CREG2: variants seen among roughly 807,000 people sequenced by gnomAD.
The protein encoded by CREG2 is protein CREG2.
In CREG2, 24 loss-of-function variants were observed where a neutral mutation model predicts 26.2. The observed-to-expected ratio is 0.92, with a 90% CI of 0.66 to 1.29. CREG2 has a LOEUF of 1.29. Ranked by LOEUF, CREG2 falls within the 50% of genes most tolerant of loss-of-function variation. CREG2 has a pLI of 0.00. For synonymous variants in CREG2, 174 were observed against 169.2 expected (o/e 1.03, Z -0.22); for missense variants, 366 against 398.6 (o/e 0.92, Z 0.70).
intron 2 of CREG2, among the ~76,000 whole-genome samples, chr2:101,356,829 A>G (rs568743220): frequency 6.6e-6 from 1 of 152,168 alleles, no homozygotes; most frequent in African/African-American, 2.4e-5. Context: ...TGACAGAATT[A>G]TCCTAAGACT....
rs1416568537 is a variant in CREG2, at chr2:101,387,162, G to T, written c.296C>A (p.Ala99Glu). The change falls in exon 1 of 4, where the codon GCG (alanine) becomes GAG (glutamate). Residue 99 changes from alanine to glutamate, a missense_variant. Physicochemically the swap from Ala to Glu is moderately radical, Grantham distance 107. Transcript: ENST00000324768. The surrounding 1 kb of genome is among the most constrained non-coding windows in gnomAD (Gnocchi z 4.7). ...CCGGTAGGAGAACATCCCGGGTGGC[G>T]CGGGGGGCGGCCTGGCCCGGGCGGC... is the stretch of plus-strand genomic sequence containing the variant. ...AGAARARPPPAPPGMFSYRRE... is the reference protein window; with the variant it reads ...AGAARARPPPEPPGMFSYRRE... The T allele has an allele frequency of 7.9e-7, 1 of 1,272,008 alleles. No homozygotes were observed. 78.8% of individuals were successfully genotyped at this position (1,272,008 alleles called of 1,614,324 possible).
chr2:101,356,104 G>C (rs1422194687), intron 2 of CREG2, among the ~76,000 whole-genome samples: 1 of 152,160 alleles, frequency 6.6e-6, no homozygotes, highest in Admixed American at 6.5e-5. Context: ...TTTCCCTGAG[G>C]CCTGGCCATC....
intron 2 of CREG2, chr2:101,383,196 C>T (rs898004542): frequency 4.3e-5 from 15 of 351,374 alleles, no homozygotes; most frequent in African/African-American, 1.3e-4. Context: ...CTCCCACCCT[C>T]GCCCTTTTCC....
intron 3 of CREG2, among the ~76,000 whole-genome samples, chr2:101,353,861 A>G (rs1400592993): frequency 1.3e-5 from 2 of 152,226 alleles, no homozygotes; most frequent in African/African-American, 2.4e-5. Context: ...AACTAACACC[A>G]GAGCAAAAAA....
intron 3 of CREG2, among the ~76,000 whole-genome samples, chr2:101,352,057 T>C (rs1302476452): frequency 6.6e-6 from 1 of 151,754 alleles, no homozygotes; most frequent in Non-Finnish European, 1.5e-5. Context: ...AATTTTTTTT[T>C]TTTTTGTAGA....
intron 2 of CREG2, among the ~76,000 whole-genome samples, chr2:101,365,521 T>G (rs938597033): frequency 6.6e-6 from 1 of 152,186 alleles, no homozygotes. Flanking sequence ...CAACCAATAT[T>G]GTCTGTAGGT....
At chr2:101,385,558 C>G (rs1314161501) in intron 1 of CREG2, among the ~76,000 whole-genome samples, 1 of 152,208 alleles carries the variant, frequency 6.6e-6, no homozygotes, top group African/African-American at 2.4e-5. Context: ...TTATCCCTAA[C>G]AAAGTGCACC....
At chr2:101,385,404 C>T (rs1684952843) in intron 1 of CREG2, among the ~76,000 whole-genome samples, 1 of 152,056 alleles carries the variant, frequency 6.6e-6, no homozygotes. Flanking sequence ...TGGTCTTGAA[C>T]TCCTGACCTC....
In CREG2 at chr2:101,351,035, T is replaced by G; in HGVS notation, c.761A>C (p.Glu254Ala). 6.2e-7 allele frequency: 1 copy of G among 1,614,168 alleles called. No homozygotes were observed. The highest frequency in any genetic ancestry group is 8.5e-7 in the Non-Finnish European group (1 of 1,180,000). Residue 254 changes from glutamate to alanine, a missense_variant, in exon 4 of 4, where the codon GAA becomes GCA. By Grantham distance (107) the Glu-to-Ala change is moderately radical (BLOSUM62 -1). Around this residue, in one of 3 missense-constraint regions of CREG2, gnomAD observed 174 missense variants for 178.2 expected, o/e 0.98. Transcript: ENST00000324768. ...PGMRKWPRQY[E>A]WFFMKMRIEH... is the part of the protein sequence containing the mutation. ...TATCCTCATCTTCATAAAGAACCAT[T>G]CATATTGACGAGGCCACTTCCTCAT...
At chr2:101,376,012 A>G (rs4405786) in intron 2 of CREG2, 150,646 of 207,762 alleles carry the variant, frequency 0.73, 55,613 homozygotes, top group African/African-American at 0.9. Context: ...TTCAACTGTC[A>G]CGACATGGGC....
chr2:101,349,802 C>G lies in CREG2; in HGVS notation c.*1121G>C, dbSNP rs1387210530. On this transcript the variant is annotated 3_prime_UTR_variant, in exon 4 of 4. Transcript: ENST00000324768. ...CAGGCAAGCTAGTCCTTCTTTTTTA[C>G]AATCACTTTACTGATTTTCCTGGTT... The G allele has an allele frequency of 6.6e-6, 1 of 151,552 alleles. No homozygotes were observed. Among genetic ancestry groups the G allele is most frequent in the Non-Finnish European group, 1.5e-5 (1 of 67,938 alleles). 9.4% of individuals were successfully genotyped at this position (151,552 alleles called of 1,614,324 possible).
chr2:101,353,896 A>G (rs1684416728), intron 3 of CREG2, among the ~76,000 whole-genome samples: 1 of 152,180 alleles, frequency 6.6e-6, no homozygotes, highest in Non-Finnish European at 1.5e-5. Flanking sequence ...GTTCTCACTC[A>G]TAAGTGGGAG....
intron 2 of CREG2, among the ~76,000 whole-genome samples, chr2:101,379,969 T>TTCTATCTA (rs34370954): frequency 0.1 from 15,469 of 147,722 alleles, 850 homozygotes; most frequent in Non-Finnish European, 0.12. Context: ...GTGTGAAAGC[T>TTCTATCTA]TCTATCTATC....
At chr2:101,378,255 T>A (rs750500217) in intron 2 of CREG2, among the ~76,000 whole-genome samples, 1 of 152,242 alleles carries the variant, frequency 6.6e-6, no homozygotes, top group African/African-American at 2.4e-5. Context: ...GACTTCATTT[T>A]ACAAATGACT....
intron 2 of CREG2, among the ~76,000 whole-genome samples, chr2:101,377,691 C>T (rs1684813606): frequency 6.6e-6 from 1 of 152,114 alleles, no homozygotes; most frequent in African/African-American, 2.4e-5. Flanking sequence ...TCTCCATTTG[C>T]CATTTTAACC....
chr2:101,362,218 C>A (rs893146723), intron 2 of CREG2, among the ~76,000 whole-genome samples: 1 of 152,102 alleles, frequency 6.6e-6, no homozygotes, highest in African/African-American at 2.4e-5. Flanking sequence ...TGGACATAAA[C>A]AGGGGAGGAT....
intron 2 of CREG2, among the ~76,000 whole-genome samples, chr2:101,378,735 G>T (rs1370279551): frequency 6.6e-6 from 1 of 152,150 alleles, no homozygotes; most frequent in African/African-American, 2.4e-5. Context: ...TTGTTCCACA[G>T]AAATCGCCAA....
chr2:101,387,164 G>T lies in CREG2; in HGVS notation c.294C>A (p.Pro98=), dbSNP rs777611840. The part of the protein sequence containing the change: ...RAGAARARPP[P]APPGMFSYRR... ...GGTAGGAGAACATCCCGGGTGGCGC[G>T]GGGGGCGGCCTGGCCCGGGCGGCGC... Residue 98 remains proline, a synonymous_variant, in exon 1 of 4, where the codon CCC becomes CCA. Coordinates refer to ENST00000324768, the MANE Select transcript of CREG2 (RefSeq NM_153836.4). This position sits in a 1 kb window ranked among gnomAD's most constrained non-coding sequence, Gnocchi z 4.7. 8 of 1,275,486 alleles carry T rather than the reference G, an allele frequency of 6.3e-6. No homozygotes were observed. The highest frequency in any genetic ancestry group is 4.7e-5 in the African/African-American group (3 of 64,406). 79.0% of individuals were successfully genotyped at this position (1,275,486 alleles called of 1,614,324 possible). A position where few individuals can be genotyped will look rare whatever the true frequency, so the allele number is the denominator to read the frequency against.
At position 101,370,845 on chromosome 2, in the gene CREG2, T is replaced by TCACCC. The variant is rs551289105; in HGVS notation, c.611+12687_611+12688insGGGTG. Among the ~76,000 whole-genome samples, 73 of 152,212 alleles carry TCACCC rather than the reference T, an allele frequency of 4.8e-4. 1 individual carries two copies. In the Middle Eastern group the frequency reaches 0.014, roughly 28 times the overall value. ...AGCAGCCAGGCTGAGAAAGCAGGTG[T>TCACCC]CAGGGTCACCCCAGGGCCCTCTTGG... is the stretch of plus-strand genomic sequence containing the variant. On this transcript the variant is annotated intron_variant, in intron 2 of 3. Coordinates refer to ENST00000324768, the MANE Select transcript of CREG2 (RefSeq NM_153836.4).
Sources: gnomAD v4.1 joint callset for allele counts (sites outside exome capture counted in the v4.1 genomes callset) on GRCh38, gnomAD v4.1.1 for gene constraint, gnomAD v4.1.1 regional missense constraint, Gnocchi (gnomAD v3.1) non-coding constraint, MANE v1.5 for transcripts, NCBI Gene and HGNC (gene_info 2026-07-23, HGNC 2026-07-21) for gene names.